Variants in MZT1 observed in about 807,000 individuals in gnomAD.
MZT1 encodes mitotic-spindle organizing protein 1.
Under a neutral mutation model 8.5 loss-of-function variants are expected in MZT1, and 8 were observed. That is an observed-to-expected ratio of 0.94 (90% CI 0.55 to 1.70). The LOEUF (loss-of-function observed/expected upper bound fraction) is 1.70. Among genes scored for constraint, MZT1 ranks in the 40% most tolerant of loss-of-function variants. The pLI is 0.00. For missense variants in MZT1, 93 were observed against 108.6 expected, an observed-to-expected ratio of 0.86 and a Z score of 0.64; for synonymous variants, 38 against 42.0, an observed-to-expected ratio of 0.90 and a Z score of 0.37.
chr13:72,721,511 C>T (rs2032593917), intron 1 of MZT1, among the ~76,000 whole-genome samples: 1 of 152,210 alleles, frequency 6.6e-6, no homozygotes, highest in Admixed American at 6.5e-5. Context: ...TTCTACAGAT[C>T]TCCAGCATTC....
chr13:72,727,198 C>T (rs2032677861), intron 1 of MZT1, among the ~76,000 whole-genome samples: 1 of 152,196 alleles, frequency 6.6e-6, no homozygotes, highest in Admixed American at 6.5e-5. Context: ...GGGCGTGACG[C>T]TGTCACCGCA....
chr13:72,724,752 A>ATATATATGTGTGTGTG lies in MZT1; in HGVS notation c.79+2771_79+2772insCACACACACATATATA, dbSNP rs1180726488. 5.1e-3 allele frequency among the ~76,000 whole-genome samples: 290 copies of ATATATATGTGTGTGTG among 56,828 alleles called. 56 individuals carry two copies. Among genetic ancestry groups the ATATATATGTGTGTGTG allele is most frequent in the Non-Finnish European group, 7.0e-3 (189 of 26,814 alleles). The allele number at this position is 56,828 out of a possible 152,430, so 37.3% of individuals were successfully genotyped here. On this transcript the variant is annotated intron_variant, in intron 1 of 2. Coordinates refer to ENST00000377818, the MANE Select transcript of MZT1 (RefSeq NM_001071775.3). Reference sequence around the variant, plus strand: ...TATATATATATATACACATATATATATGTAAAGTGGTGCTACAGGCCGGGC... The same window carrying ATATATATGTGTGTGTG: ...TATATATATATATACACATATATATATATATATGTGTGTGTGTGTAAAGTGGTGCTACAGGCCGGGC...
rs562200293 is a variant in MZT1 at position 72,713,766 on chromosome 13, G to C, written c.226-3421C>G. 2.0e-5 allele frequency among the ~76,000 whole-genome samples: 3 copies of C among 152,268 alleles called. 1 individual carries two copies. The East Asian group carries it at 5.8e-4, about 29-fold the overall frequency. On this transcript the variant is annotated intron_variant, in intron 2 of 2. Coordinates refer to ENST00000377818, the MANE Select transcript of MZT1 (RefSeq NM_001071775.3). Reference sequence around the variant, plus strand: ...AAATGTTCCAGTGAGGATTTCCTTTGAGTGTCATGTTGGTACTCAAAGTAT... The same window carrying C: ...AAATGTTCCAGTGAGGATTTCCTTTCAGTGTCATGTTGGTACTCAAAGTAT...
At chr13:72,718,158 G>T (rs2032554846) in intron 2 of MZT1, among the ~76,000 whole-genome samples, 1 of 152,184 alleles carries the variant, frequency 6.6e-6, no homozygotes, top group South Asian at 2.1e-4. Context: ...GACAGCTCTA[G>T]GGGAATATCC....
intron 1 of MZT1, among the ~76,000 whole-genome samples, chr13:72,725,909 A>G (rs1399949182): frequency 6.6e-6 from 1 of 152,152 alleles, no homozygotes; most frequent in Non-Finnish European, 1.5e-5. Flanking sequence ...ACACACACAT[A>G]TATATATTCA....
At chr13:72,718,852 T>C (rs2032564876) in intron 2 of MZT1, 100 bp downstream of exon 2, 4 of 1,177,010 alleles carry the variant, frequency 3.4e-6, no homozygotes, top group Admixed American at 2.7e-5. Flanking sequence ...GCATGTTAGT[T>C]TAACCTTGTT....
Position 72,710,231 on chromosome 13 carries a change from G to A in MZT1, c.*91C>T. 6.1e-6 allele frequency: 8 copies of A among 1,320,890 alleles called. No individual in the cohort carries two copies. The highest frequency in any genetic ancestry group is 8.6e-6 in the Non-Finnish European group (8 of 925,104). The allele number at this position is 1,320,890 out of a possible 1,614,324, so 81.8% of individuals were successfully genotyped here. On this transcript the variant is annotated 3_prime_UTR_variant, in exon 3 of 3. Transcript: ENST00000377818. ...GTAAAATTTTTCTACACTGCTGCAT[G>A]CAGTAATTTCATTGTACATTCTCAA...
At position 72,726,758 on chromosome 13, in the gene MZT1, A is replaced by C. The variant is rs115415915; in HGVS notation, c.79+766T>G. Among the ~76,000 whole-genome samples the C allele has an allele frequency of 2.8e-3, 426 of 151,654 alleles. 4 individuals are homozygous for C. The highest frequency in any genetic ancestry group is 1.0e-2 in the African/African-American group (414 of 41,410). ...TTTATTTTACAGAAAAAAAAAAAAA[A>C]AAAACTAAACAGGCTCAATGATGTT... On this transcript the variant is annotated intron_variant, in intron 1 of 2. Transcript: ENST00000377818.
intron 1 of MZT1, among the ~76,000 whole-genome samples, chr13:72,721,403 C>T (rs921643151): frequency 6.6e-5 from 10 of 152,158 alleles, no homozygotes; most frequent in African/African-American, 2.4e-4. Context: ...GCACGGTGCA[C>T]GGTTCACTCT....
At chr13:72,722,131 T>G (rs1203805706) in intron 1 of MZT1, among the ~76,000 whole-genome samples, 1 of 152,030 alleles carries the variant, frequency 6.6e-6, no homozygotes, top group Non-Finnish European at 1.5e-5. Flanking sequence ...TTATCTCTAT[T>G]TCTTGGAGTA....
At chr13:72,711,902 C>A (rs1356587578) in intron 2 of MZT1, among the ~76,000 whole-genome samples, 2 of 152,124 alleles carry the variant, frequency 1.3e-5, no homozygotes, top group African/African-American at 4.8e-5. Flanking sequence ...GAGAAGCAAA[C>A]CGATGAGTTA....
chr13:72,709,050 G>A lies in MZT1; in HGVS notation c.*1272C>T, dbSNP rs374802734. ...CCACTGAGATTCTATTACAGGAACA[G>A]AATCAATACTATTCTACATTTTCTA... On this transcript the variant is annotated 3_prime_UTR_variant, in exon 3 of 3. Coordinates refer to ENST00000377818, the MANE Select transcript of MZT1 (RefSeq NM_001071775.3). 1.3e-5 allele frequency: 2 copies of A among 152,060 alleles called. No individual in the cohort carries two copies. Among genetic ancestry groups the A allele is most frequent in the East Asian group, 3.9e-4 (2 of 5,182 alleles). The allele number at this position is 152,060 out of a possible 1,614,324, so 9.4% of individuals were successfully genotyped here.
At chr13:72,724,731 TATATATATACAC>T (rs1365753669) in intron 1 of MZT1, among the ~76,000 whole-genome samples, 2,384 of 36,010 alleles carry the variant, frequency 0.066, 428 homozygotes, top group Non-Finnish European at 0.17. Flanking sequence ...TATATATATA[TATATATATACAC>T]ATATATATAT....
intron 1 of MZT1, among the ~76,000 whole-genome samples, chr13:72,724,739 T>TACACAC (rs1247734434): frequency 1.9e-4 from 8 of 41,364 alleles, no homozygotes; most frequent in African/African-American, 4.3e-4. Flanking sequence ...TATATATATA[T>TACACAC]ACACATATAT....
At chr13:72,716,840 C>G (rs1445801988) in intron 2 of MZT1, among the ~76,000 whole-genome samples, 1 of 152,206 alleles carries the variant, frequency 6.6e-6, no homozygotes, top group Non-Finnish European at 1.5e-5. Flanking sequence ...CTCTGGGAAC[C>G]TGGTGGCAGC....
At position 72,710,219 on chromosome 13, in the gene MZT1, A is replaced by C; in HGVS notation, c.*103T>G. Reference sequence around the variant, plus strand: ...TTCTTTTAAAAAGTAAAATTTTTCTACACTGCTGCATGCAGTAATTTCATT... The same window carrying C: ...TTCTTTTAAAAAGTAAAATTTTTCTCCACTGCTGCATGCAGTAATTTCATT... On this transcript the variant is annotated 3_prime_UTR_variant, in exon 3 of 3. Coordinates refer to ENST00000377818, the MANE Select transcript of MZT1 (RefSeq NM_001071775.3). 8.3e-7 allele frequency: 1 copy of C among 1,206,864 alleles called. No individual in the cohort carries two copies. Among genetic ancestry groups the C allele is most frequent in the Admixed American group, 2.1e-5 (1 of 47,184 alleles). The allele number at this position is 1,206,864 out of a possible 1,614,324, so 74.8% of individuals were successfully genotyped here. A position where few individuals can be genotyped will look rare whatever the true frequency, so the allele number is the denominator to read the frequency against.
intron 1 of MZT1, among the ~76,000 whole-genome samples, chr13:72,724,698 C>T (rs571223999): frequency 1.1e-3 from 69 of 60,716 alleles, no homozygotes; most frequent in African/African-American, 3.0e-3. Context: ...GTACTTACTA[C>T]TAAATATATA....
At chr13:72,712,060 A>T (rs978566171) in intron 2 of MZT1, among the ~76,000 whole-genome samples, 11 of 152,252 alleles carry the variant, frequency 7.2e-5, no homozygotes, top group Non-Finnish European at 1.5e-4. Context: ...GTATTTTCTG[A>T]ATTAAATATC....
At position 72,708,870 on chromosome 13, in the gene MZT1, C is replaced by A; in HGVS notation, c.*1452G>T. 2 of 147,032 alleles carry A rather than the reference C, an allele frequency of 1.4e-5. No homozygotes were observed. Among genetic ancestry groups the A allele is most frequent in the African/African-American group, 2.5e-5 (1 of 40,184 alleles). 9.1% of individuals were successfully genotyped at this position (147,032 alleles called of 1,614,324 possible). ...GAGAAGGTTGCTATTTAAATATTAC[C>A]AAATCTTAATAAAACCACTTCAGCT... On this transcript the variant is annotated 3_prime_UTR_variant, in exon 3 of 3. Transcript: ENST00000377818.
Sources: allele counts gnomAD v4.1 joint callset (sites outside exome capture counted in the v4.1 genomes callset), GRCh38; gene constraint gnomAD v4.1.1; transcripts MANE v1.5; gene names NCBI Gene and HGNC (gene_info 2026-07-23, HGNC 2026-07-21).